Variants in IRAG1 observed in about 807,000 individuals in gnomAD.
IRAG1 encodes inositol 1,4,5-triphosphate receptor associated 1, also known as IP3R-associated cGMP kinase substrate.
IRAG1 carries 62 observed loss-of-function variants against 106.2 expected under a neutral mutation model. The ratio of observed to expected loss-of-function variants is 0.58; its 90% confidence interval spans 0.48 to 0.72. The LOEUF (loss-of-function observed/expected upper bound fraction) is 0.72. Among genes scored for constraint, IRAG1 ranks in the 30% least tolerant of loss-of-function variants. The pLI is 0.00. For synonymous variants in IRAG1, 462 were observed against 443.9 expected (o/e 1.04, Z -0.51); for missense variants, 1,064 against 1,140.7 (o/e 0.93, Z 0.97).
chr11:10,658,986 A>C (rs1162508989), intron 1 of IRAG1, among the ~76,000 whole-genome samples: 48 of 100,648 alleles, frequency 4.8e-4, no homozygotes, highest in African/African-American at 1.2e-3. Context: ...GTGGCTGCCC[A>C]ACGTCTGTGC....
chr11:10,688,434 A>C (rs1421195417), intron 1 of IRAG1, among the ~76,000 whole-genome samples: 2 of 152,128 alleles, frequency 1.3e-5, no homozygotes, highest in Admixed American at 1.3e-4. Flanking sequence ...TCTCCTCCTG[A>C]TGAGCCAGGA....
chr11:10,580,611 T>C (rs375500934), intron 19 of IRAG1, 22 bp from the exon 20 acceptor site: 7 of 1,611,202 alleles, frequency 4.3e-6, no homozygotes, highest in South Asian at 1.1e-5. Context: ...AAAGGAACAG[T>C]TGAGTCTGGA....
rs543293426 is a variant in IRAG1 at position 10,611,338 on chromosome 11, C to T, written c.1448-1487G>A. Among the ~76,000 whole-genome samples, 43 of 152,298 alleles carry T rather than the reference C, an allele frequency of 2.8e-4. No individual in the cohort carries two copies. In the South Asian group the frequency reaches 8.9e-3, roughly 32 times the overall value. ...TTCTGTGGTAAACCTTGTGTCACCC[C>T]TGGCATCATTCTACCTTTATGTATG... On this transcript the variant is annotated intron_variant, in intron 10 of 20. Coordinates refer to ENST00000423302, the MANE Select transcript of IRAG1 (RefSeq NM_130385.4).
chr11:10,651,905 A>G, intron 2 of IRAG1, 120 bp downstream of exon 2: 1 of 1,208,254 alleles, frequency 8.3e-7, no homozygotes. Flanking sequence ...CCAGGTACCC[A>G]CTGCAACCTA....
At chr11:10,683,841 C>T (rs1357165284) in intron 1 of IRAG1, among the ~76,000 whole-genome samples, 1 of 149,836 alleles carries the variant, frequency 6.7e-6, no homozygotes, top group Non-Finnish European at 1.5e-5. Context: ...AGAATCATGA[C>T]CAAAGAATAC....
chr11:10,628,894 T>A lies in IRAG1; in HGVS notation c.575-66A>T, dbSNP rs748640712. 48 of 1,442,798 alleles carry A rather than the reference T, an allele frequency of 3.3e-5. No individual in the cohort carries two copies. Among genetic ancestry groups the A allele is most frequent in the Non-Finnish European group, 4.5e-5 (48 of 1,058,754 alleles). 89.4% of individuals were successfully genotyped at this position (1,442,798 alleles called of 1,614,324 possible). Reference sequence around the variant, plus strand: ...TTAGGACTTCAACCTGGCAAAGGCATCCTTTTAGGTATTCCCAGGCCCTGG... The same window carrying A: ...TTAGGACTTCAACCTGGCAAAGGCAACCTTTTAGGTATTCCCAGGCCCTGG... On this transcript the variant is annotated intron_variant, in intron 5 of 20. Coordinates refer to ENST00000423302, the MANE Select transcript of IRAG1 (RefSeq NM_130385.4). This position sits in a 1 kb window ranked among gnomAD's most constrained non-coding sequence, Gnocchi z 4.1.
Position 10,576,184 on chromosome 11 carries a change from A to G in IRAG1, c.*148T>C. 1 of 1,010,168 alleles carries G rather than the reference A, an allele frequency of 9.9e-7. No individual in the cohort carries two copies. The highest frequency in any genetic ancestry group is 1.4e-6 in the Non-Finnish European group (1 of 700,954). The allele number at this position is 1,010,168 out of a possible 1,614,324, so 62.6% of individuals were successfully genotyped here. On this transcript the variant is annotated 3_prime_UTR_variant, in exon 21 of 21. Coordinates refer to ENST00000423302, the MANE Select transcript of IRAG1 (RefSeq NM_130385.4). ...AAGTCACTGTGTATGAATAGCTCCC[A>G]CAGAAGTGCCGAGTGTTAAAAGAAC...
At chr11:10,577,923 G>A (rs1850991359) in intron 20 of IRAG1, among the ~76,000 whole-genome samples, 1 of 152,182 alleles carries the variant, frequency 6.6e-6, no homozygotes, top group Non-Finnish European at 1.5e-5. Context: ...GGAAGGCAGG[G>A]TTTAGAAGTA....
chr11:10,615,392 G>T (rs1488382615), intron 10 of IRAG1, among the ~76,000 whole-genome samples: 6 of 152,226 alleles, frequency 3.9e-5, no homozygotes, highest in Non-Finnish European at 8.8e-5. Context: ...CAAGGATCTA[G>T]AAGTAGAAAT....
chr11:10,681,298 G>C (rs1415501140), intron 1 of IRAG1, among the ~76,000 whole-genome samples: 1 of 152,176 alleles, frequency 6.6e-6, no homozygotes, highest in Admixed American at 6.6e-5. Context: ...TCCAATCTGA[G>C]CAGTAAATGT....
intron 18 of IRAG1, among the ~76,000 whole-genome samples, chr11:10,582,535 G>A (rs888582089): frequency 3.3e-5 from 5 of 152,218 alleles, no homozygotes; most frequent in African/African-American, 4.8e-5. Context: ...TTTTATGAAA[G>A]AAATTCTGTA....
At chr11:10,648,785 ATGCCTGTGTATC>A (rs1858190512) in intron 2 of IRAG1, among the ~76,000 whole-genome samples, 1 of 151,964 alleles carries the variant, frequency 6.6e-6, no homozygotes, top group Non-Finnish European at 1.5e-5. Flanking sequence ...CTGTCTGTGC[ATGCCTGTGTATC>A]TGCGTGTGTG....
At chr11:10,597,891 T>G (rs768220192) in intron 15 of IRAG1, among the ~76,000 whole-genome samples, 55 of 152,332 alleles carry the variant, frequency 3.6e-4, no homozygotes, top group Non-Finnish European at 5.6e-4. Flanking sequence ...TTCTGCTTAT[T>G]TCTAACATAT....
At chr11:10,593,126 A>G (rs144922512) in intron 17 of IRAG1, 1 of 157,944 alleles carries the variant, frequency 6.3e-6, no homozygotes, top group African/African-American at 2.4e-5. Flanking sequence ...CAGAGAACCT[A>G]GGGTTCAAAG....
chr11:10,691,923 G>A (rs1862088129), intron 1 of IRAG1, among the ~76,000 whole-genome samples: 1 of 152,184 alleles, frequency 6.6e-6, no homozygotes, highest in Non-Finnish European at 1.5e-5. Flanking sequence ...CAAGACCAGG[G>A]TGGAAAGAAT....
intron 10 of IRAG1, among the ~76,000 whole-genome samples, chr11:10,614,012 T>A (rs1005824235): frequency 4.6e-5 from 7 of 152,132 alleles, no homozygotes; most frequent in African/African-American, 1.7e-4. Context: ...CCAGGGCCAG[T>A]ACCTGACAAC....
At position 10,685,560 on chromosome 11, in the gene IRAG1, AC is replaced by A. The variant is rs377243109; in HGVS notation, c.67+7975del. Among the ~76,000 whole-genome samples, 565 of 152,176 alleles carry A rather than the reference AC, an allele frequency of 3.7e-3. 4 individuals are homozygous for A. Among genetic ancestry groups the A allele is most frequent in the African/African-American group, 0.013 (537 of 41,506 alleles). ...AAGACCCTGTCTCTAAAACAAAAAA[AC>A]GTTTAAAACATTAGCCAGGTGAGGT... On this transcript the variant is annotated intron_variant, in intron 1 of 20. Coordinates refer to ENST00000423302, the MANE Select transcript of IRAG1 (RefSeq NM_130385.4).
intron 15 of IRAG1, among the ~76,000 whole-genome samples, chr11:10,598,005 GT>G (rs775801451): frequency 6.6e-6 from 1 of 152,222 alleles, no homozygotes; most frequent in South Asian, 2.1e-4. Flanking sequence ...AGGAGAAAGT[GT>G]TTTTTCCTAC....
intron 10 of IRAG1, among the ~76,000 whole-genome samples, chr11:10,618,319 C>T (rs943945235): frequency 2.0e-5 from 3 of 152,154 alleles, no homozygotes; most frequent in Non-Finnish European, 4.4e-5. Context: ...TACTTTATGG[C>T]CTGTTAAAGT....
Sources: gnomAD v4.1 joint callset for allele counts (sites outside exome capture counted in the v4.1 genomes callset) on GRCh38, gnomAD v4.1.1 for gene constraint, Gnocchi (gnomAD v3.1) non-coding constraint, MANE v1.5 for transcripts, NCBI Gene and HGNC (gene_info 2026-07-23, HGNC 2026-07-21) for gene names.